The following CADPS variants were observed in gnomAD, a reference collection of about 807,000 sequenced individuals.
CADPS encodes the protein calcium-dependent secretion activator 1.
Under a neutral mutation model 167.3 loss-of-function variants are expected in CADPS, and 57 were observed. That is an observed-to-expected ratio of 0.34 (90% CI 0.28 to 0.42). The LOEUF (loss-of-function observed/expected upper bound fraction) is 0.42, where lower values mean the gene tolerates loss of function less well. CADPS is among the 20% of genes least tolerant of loss of function. The probability of loss-of-function intolerance (pLI) is 1.00; values close to 1 mark genes in which losing one functional copy is unlikely to be tolerated. For synonymous variants in CADPS, 676 were observed against 635.3 expected, an observed-to-expected ratio of 1.06 and a Z score of -0.96; for missense variants, 1,414 against 1,738.1, an observed-to-expected ratio of 0.81 and a Z score of 3.32.
chr3:62,445,316 C>G lies in CADPS; in HGVS notation c.3669+449G>C, dbSNP rs570725912. On this transcript the variant is annotated intron_variant, in intron 27 of 29. Transcript: ENST00000383710. Reference sequence around the variant, plus strand: ...ATTTGTTTTTTTTATTAGGTTGGTGCAAAGAAATTATGTTTTCCACATTTT... The same window carrying G: ...ATTTGTTTTTTTTATTAGGTTGGTGGAAAGAAATTATGTTTTCCACATTTT... 2.6e-5 allele frequency among the ~76,000 whole-genome samples: 4 copies of G among 152,098 alleles called. No homozygotes were observed. The South Asian group carries it at 8.3e-4, about 32-fold the overall frequency.
At chr3:62,819,981 G>A (rs1183776788) in intron 1 of CADPS, among the ~76,000 whole-genome samples, 1 of 152,074 alleles carries the variant, frequency 6.6e-6, no homozygotes, top group Non-Finnish European at 1.5e-5. Flanking sequence ...TCTTTCTAGT[G>A]CATCATTGAA....
intron 1 of CADPS, among the ~76,000 whole-genome samples, chr3:62,819,278 G>A (rs1045216530): frequency 1.3e-5 from 2 of 151,932 alleles, no homozygotes; most frequent in African/African-American, 4.8e-5. Context: ...CTACATCAAG[G>A]AATATTAAAA....
intron 13 of CADPS, among the ~76,000 whole-genome samples, chr3:62,524,218 C>T (rs1041031202): frequency 1.3e-5 from 2 of 152,166 alleles, no homozygotes; most frequent in African/African-American, 4.8e-5. Flanking sequence ...TTCAAGATAG[C>T]ACCAAAGCAT....
intron 26 of CADPS, 33 bp from the exon 27 acceptor site, chr3:62,445,830 T>C (rs771568009): frequency 1.4e-6 from 2 of 1,458,032 alleles, no homozygotes; most frequent in South Asian, 1.6e-5. Flanking sequence ...GAAGTGAGGC[T>C]GGTGTTTATG....
intron 3 of CADPS, among the ~76,000 whole-genome samples, chr3:62,721,431 A>C (rs2075812360): frequency 6.6e-6 from 1 of 152,174 alleles, no homozygotes; most frequent in Non-Finnish European, 1.5e-5. Flanking sequence ...CAACAGTAGG[A>C]AAGTTGGAAA....
intron 6 of CADPS, among the ~76,000 whole-genome samples, chr3:62,606,597 G>A (rs939849804): frequency 1.3e-5 from 2 of 152,104 alleles, no homozygotes; most frequent in African/African-American, 2.4e-5. Context: ...CCAGTTTCAG[G>A]TATTCTGTAA....
intron 5 of CADPS, among the ~76,000 whole-genome samples, chr3:62,649,355 T>C (rs949212281): frequency 3.9e-5 from 6 of 152,110 alleles, no homozygotes; most frequent in Admixed American, 2.6e-4. Flanking sequence ...CACAATTCAG[T>C]GATTTTGGTA....
At chr3:62,423,180 G>C (rs2051840408) in intron 28 of CADPS, among the ~76,000 whole-genome samples, 2 of 152,194 alleles carry the variant, frequency 1.3e-5, no homozygotes, top group Non-Finnish European at 1.5e-5. Flanking sequence ...GGTTACAGAA[G>C]TGCTTTCTGG....
rs755251601 is a variant in CADPS, at chr3:62,874,935, C to A, written c.95G>T (p.Arg32Leu). Reference protein sequence around the residue: ...EVLGSAPSGARLSPSRTSEGS... With the variant: ...EVLGSAPSGALLSPSRTSEGS... ...CTCGCTGGTACGGCTGGGAGACAGG[C>A]GCGCGCCGGACGGGGCCGAGCCGAG... Residue 32 changes from arginine to leucine, a missense_variant, in exon 1 of 30, where the codon CGC becomes CTC. Transcript: ENST00000383710. The surrounding 1 kb of genome is among the most constrained non-coding windows in gnomAD (Gnocchi z 7.1). 1 of 1,516,350 alleles carries A rather than the reference C, an allele frequency of 6.6e-7. No individual in the cohort carries two copies. The highest frequency in any genetic ancestry group is 8.8e-7 in the Non-Finnish European group (1 of 1,135,266). 93.9% of individuals were successfully genotyped at this position (1,516,350 alleles called of 1,614,324 possible).
intron 1 of CADPS, among the ~76,000 whole-genome samples, chr3:62,783,677 T>C (rs2092048135): frequency 6.6e-6 from 1 of 152,210 alleles, no homozygotes; most frequent in African/African-American, 2.4e-5. Context: ...GTTAAAGTAT[T>C]ACTTATAATA....
In CADPS at chr3:62,465,488, A is replaced by G. The variant is rs1462851575; in HGVS notation, c.3553-38T>C. 1.4e-6 allele frequency: 2 copies of G among 1,419,360 alleles called. No individual in the cohort carries two copies. Among genetic ancestry groups the G allele is most frequent in the Admixed American group, 1.8e-5 (1 of 56,128 alleles). 87.9% of individuals were successfully genotyped at this position (1,419,360 alleles called of 1,614,324 possible). A position where few individuals can be genotyped will look rare whatever the true frequency, so the allele number is the denominator to read the frequency against. ...CAAAAAAGAAAAAAATGTTATTTCA[A>G]ACTATAATTGTTCACCATAAAGCAC... On this transcript the variant is annotated intron_variant, in intron 25 of 29. Transcript: ENST00000383710. The surrounding 1 kb of genome is among the most constrained non-coding windows in gnomAD (Gnocchi z 4.1).
intron 1 of CADPS, among the ~76,000 whole-genome samples, chr3:62,825,995 A>G (rs1390600060): frequency 1.3e-5 from 2 of 152,172 alleles, no homozygotes; most frequent in African/African-American, 4.8e-5. Flanking sequence ...AGACTTTGCC[A>G]GTCTTTCTAT....
chr3:62,710,571 G>A (rs2083205450), intron 3 of CADPS, among the ~76,000 whole-genome samples: 1 of 152,016 alleles, frequency 6.6e-6, no homozygotes, highest in Admixed American at 6.5e-5. Flanking sequence ...CCTTCTAGAA[G>A]GCCCCCTCAT....
chr3:62,467,230 A>ATCCC, intron 24 of CADPS: 4 of 728,140 alleles, frequency 5.5e-6, no homozygotes, highest in Non-Finnish European at 7.7e-6. Context: ...CATTTGAATT[A>ATCCC]TCCCATATTT....
Position 62,458,042 on chromosome 3 carries a change from G to A in CADPS, c.3636+7325C>T, listed in dbSNP as rs7629071. 1.3e-3 allele frequency among the ~76,000 whole-genome samples: 197 copies of A among 152,130 alleles called. No homozygotes were observed. Among genetic ancestry groups the A allele is most frequent in the African/African-American group, 4.4e-3 (182 of 41,478 alleles). Reference sequence around the variant, plus strand: ...ACATGTATACCTATGTAACAAACCCGCACATTCTGCACATGTATCCCAGAA... The same window carrying A: ...ACATGTATACCTATGTAACAAACCCACACATTCTGCACATGTATCCCAGAA... On this transcript the variant is annotated intron_variant, in intron 26 of 29. Coordinates refer to ENST00000383710, the MANE Select transcript of CADPS (RefSeq NM_003716.4). The surrounding 1 kb of genome is among the most constrained non-coding windows in gnomAD (Gnocchi z 4.6).
intron 6 of CADPS, among the ~76,000 whole-genome samples, chr3:62,619,624 T>C (rs2062856740): frequency 6.6e-6 from 1 of 152,260 alleles, no homozygotes; most frequent in Non-Finnish European, 1.5e-5. Flanking sequence ...CTGCAACCCC[T>C]CTGCCTCCCA....
At chr3:62,687,159 T>G (rs2078198829) in intron 3 of CADPS, among the ~76,000 whole-genome samples, 2 of 152,254 alleles carry the variant, frequency 1.3e-5, no homozygotes, top group East Asian at 3.9e-4. Flanking sequence ...TTTGCTTAGA[T>G]CAGGGTTGAG....
At chr3:62,485,503 A>C (rs2062682102) in intron 21 of CADPS, among the ~76,000 whole-genome samples, 2 of 152,036 alleles carry the variant, frequency 1.3e-5, no homozygotes, top group South Asian at 4.1e-4. Flanking sequence ...GTTATTTGTA[A>C]ATTACAGATT....
rs73844644 is a variant in CADPS, at chr3:62,844,374, C to G, written c.441+30215G>C. Among the ~76,000 whole-genome samples the G allele has an allele frequency of 6.9e-3, 1,050 of 152,286 alleles. 13 individuals are homozygous for G. The highest frequency in any genetic ancestry group is 0.024 in the African/African-American group (994 of 41,566). On this transcript the variant is annotated intron_variant, in intron 1 of 29. Coordinates refer to ENST00000383710, the MANE Select transcript of CADPS (RefSeq NM_003716.4). ...CTGGAATAAACAACCAAAGGAAAATCTGAGGTTGACACACCTACTTTTTGA... is the reference window on the plus strand; with the variant it reads ...CTGGAATAAACAACCAAAGGAAAATGTGAGGTTGACACACCTACTTTTTGA...
Sources: gnomAD v4.1 joint callset for allele counts (sites outside exome capture counted in the v4.1 genomes callset) on GRCh38, gnomAD v4.1.1 for gene constraint, Gnocchi (gnomAD v3.1) non-coding constraint, MANE v1.5 for transcripts, NCBI Gene and HGNC (gene_info 2026-07-23, HGNC 2026-07-21) for gene names.